The following TAF3 variants were observed in gnomAD, a reference collection of about 807,000 sequenced individuals.
TAF3 encodes TATA-box binding protein associated factor 3.
In TAF3, 7 loss-of-function variants were observed where a neutral mutation model predicts 80.6. The ratio of observed to expected loss-of-function variants is 0.09; its 90% CI spans 0.05 to 0.16. TAF3 has a LOEUF of 0.16. Among genes scored for constraint, TAF3 ranks in the 10% least tolerant of loss-of-function variants. The pLI is 1.00. For missense variants in TAF3, 921 were observed against 1,140.2 expected (o/e 0.81, Z 2.77); for synonymous variants, 444 against 446.1 (o/e 1.00, Z 0.06).
rs774790162 is a variant in TAF3 at position 8,009,315 on chromosome 10, G to T, written c.2553G>T (p.Thr851=). The part of the protein sequence containing the change: ...KAPVRSVVTE[T]VSTYVIRDEW... ...CCGTGCGCAGCGTGGTGACTGAGAC[G>T]GTCAGCACCTACGTGGTGCGTACCT... Residue 851 remains threonine (T), a synonymous_variant, in exon 5 of 7, where the codon ACG becomes ACT. Transcript: ENST00000344293. The surrounding 1 kb of genome is among the most constrained non-coding windows in gnomAD (Gnocchi z 4.1). 1.3e-6 allele frequency: 2 copies of T among 1,591,422 alleles called. No homozygotes were observed. The highest frequency in any genetic ancestry group is 1.7e-6 in the Non-Finnish European group (2 of 1,170,340).
At chr10:7,886,983 C>G (rs549495409) in intron 2 of TAF3, among the ~76,000 whole-genome samples, 1 of 152,148 alleles carries the variant, frequency 6.6e-6, no homozygotes, top group Non-Finnish European at 1.5e-5. Context: ...CACCTGTAAT[C>G]CCAGCACTTT....
chr10:7,837,341 C>CA (rs79016748), intron 2 of TAF3, among the ~76,000 whole-genome samples: 1,078 of 90,010 alleles, frequency 0.012, 17 homozygotes, highest in South Asian at 0.023. Context: ...CCAGTCTGGG[C>CA]AAAAAAAAAA....
intron 3 of TAF3, among the ~76,000 whole-genome samples, chr10:7,975,275 G>A (rs969387321): frequency 6.6e-6 from 1 of 152,134 alleles, no homozygotes; most frequent in Non-Finnish European, 1.5e-5. Context: ...GGTATTTCCT[G>A]TGGAGTTAGA....
chr10:7,972,959 C>A (rs1588572320), intron 3 of TAF3, among the ~76,000 whole-genome samples: 1 of 152,086 alleles, frequency 6.6e-6, no homozygotes, highest in South Asian at 2.1e-4. Context: ...ATCAATATTA[C>A]CAGAAAAAGG....
intron 3 of TAF3, among the ~76,000 whole-genome samples, chr10:7,969,334 T>C (rs747511383): frequency 1.6e-4 from 24 of 152,090 alleles, no homozygotes; most frequent in Admixed American, 8.5e-4. Context: ...TATTATCCAA[T>C]TGCAGTCACA....
intron 3 of TAF3, among the ~76,000 whole-genome samples, chr10:7,972,069 G>A (rs1831628066): frequency 6.6e-6 from 1 of 152,112 alleles, no homozygotes; most frequent in Non-Finnish European, 1.5e-5. Flanking sequence ...CCAAAGTGCT[G>A]TTCTTTTATT....
chr10:7,857,262 G>A (rs1837090387), intron 2 of TAF3, among the ~76,000 whole-genome samples: 1 of 152,204 alleles, frequency 6.6e-6, no homozygotes, highest in South Asian at 2.1e-4. Flanking sequence ...CTTCACAATG[G>A]AACAGCCACA....
chr10:7,948,918 TA>T (rs1287383851), intron 2 of TAF3, among the ~76,000 whole-genome samples: 1 of 152,184 alleles, frequency 6.6e-6, no homozygotes, highest in African/African-American at 2.4e-5. Flanking sequence ...TATACATGCA[TA>T]GTTGGGGAAA....
chr10:7,951,697 G>A (rs906427143), intron 2 of TAF3, among the ~76,000 whole-genome samples: 11 of 152,140 alleles, frequency 7.2e-5, no homozygotes, highest in Non-Finnish European at 8.8e-5. Flanking sequence ...AGTCTGACTC[G>A]TACTTCTCAT....
chr10:7,932,665 C>T, intron 2 of TAF3, among the ~76,000 whole-genome samples: 1 of 139,910 alleles, frequency 7.1e-6, no homozygotes, highest in African/African-American at 2.7e-5. Context: ...TTATGTTCCA[C>T]TTAATTTTTT....
chr10:7,964,153 C>G lies in TAF3; in HGVS notation c.643C>G (p.Pro215Ala). ...TGTTGTGTTATTGGAAGCTCGAGAG[C>G]CACTCAGCTCAATAAATACTCAAAA... ...LDVVLLEARE[P>A]LSSINTQKIP... The change falls in exon 3 of 7, where the codon CCA becomes GCA. Residue 215 changes from proline (P) to alanine (A), a missense_variant. By Grantham distance (27) the Pro-to-Ala change is conservative. This residue lies in a region of TAF3 where 743 missense variants were observed against 821.0 expected (regional missense o/e 0.90). Coordinates refer to ENST00000344293, the MANE Select transcript of TAF3 (RefSeq NM_031923.4). The surrounding 1 kb of genome is among the most constrained non-coding windows in gnomAD (Gnocchi z 4.1). 1 of 1,614,128 alleles carries G rather than the reference C, an allele frequency of 6.2e-7. No individual in the cohort carries two copies. The highest frequency in any genetic ancestry group is 2.2e-5 in the East Asian group (1 of 44,882).
intron 2 of TAF3, among the ~76,000 whole-genome samples, chr10:7,867,958 A>G (rs909299235): frequency 6.6e-6 from 1 of 152,202 alleles, no homozygotes; most frequent in Non-Finnish European, 1.5e-5. Context: ...TAGAGAAAAG[A>G]AAATATTATT....
At position 7,992,036 on chromosome 10, in the gene TAF3, G is replaced by A. The variant is rs144286909; in HGVS notation, c.2315+14713G>A. Among the ~76,000 whole-genome samples the A allele has an allele frequency of 5.5e-3, 835 of 152,274 alleles. 4 individuals are homozygous for A. The highest frequency in any genetic ancestry group is 7.3e-3 in the Non-Finnish European group (495 of 68,004). On this transcript the variant is annotated intron_variant, in intron 4 of 6. Coordinates refer to ENST00000344293, the MANE Select transcript of TAF3 (RefSeq NM_031923.4). ...GGCTAACTTACAAATTCATTTTCAT[G>A]TGAAAGCATCTTTTACTAAATAATT...
intron 2 of TAF3, among the ~76,000 whole-genome samples, chr10:7,923,582 C>CAAAAA (rs139803422): frequency 3.0e-5 from 4 of 135,418 alleles, no homozygotes; most frequent in East Asian, 4.4e-4. Context: ...TGCTGTATAG[C>CAAAAA]AAAAAAACAA....
At position 8,014,840 on chromosome 10, in the gene TAF3, A is replaced by G. The variant is rs948071933; in HGVS notation, c.*89A>G. The G allele has an allele frequency of 1.1e-5, 12 of 1,137,482 alleles. No individual in the cohort carries two copies. In the Admixed American group the frequency reaches 2.9e-4, roughly 28 times the overall value. 70.5% of individuals were successfully genotyped at this position (1,137,482 alleles called of 1,614,324 possible). On this transcript the variant is annotated 3_prime_UTR_variant, in exon 7 of 7. Transcript: ENST00000344293. ...GGAGCTGGTGCAAGTCTGCCGTCAC[A>G]TCCACCCCCAGATGCCTGTGGATAA...
chr10:7,921,125 A>G (rs183903403), intron 2 of TAF3, among the ~76,000 whole-genome samples: 7 of 152,110 alleles, frequency 4.6e-5, no homozygotes, highest in East Asian at 3.9e-4. Flanking sequence ...CTTTACTGCA[A>G]TGCCATATTA....
intron 2 of TAF3, among the ~76,000 whole-genome samples, chr10:7,935,939 TGGA>T (rs1837915365): frequency 6.6e-6 from 1 of 152,236 alleles, no homozygotes; most frequent in Non-Finnish European, 1.5e-5. Context: ...AAGCCCTGCG[TGGA>T]GGAGTAGAGC....
At chr10:7,962,342 G>A (rs1831515596) in intron 2 of TAF3, among the ~76,000 whole-genome samples, 1 of 151,896 alleles carries the variant, frequency 6.6e-6, no homozygotes, top group Admixed American at 6.6e-5. Flanking sequence ...CTCTCCTTCA[G>A]TACCCATCAC....
intron 4 of TAF3, among the ~76,000 whole-genome samples, chr10:7,979,869 C>T (rs1831709824): frequency 6.6e-6 from 1 of 152,048 alleles, no homozygotes; most frequent in Non-Finnish European, 1.5e-5. Flanking sequence ...AATTATGGGC[C>T]AAATCCAGGC....
Sources: gnomAD v4.1 joint callset for allele counts (sites outside exome capture counted in the v4.1 genomes callset) on GRCh38, gnomAD v4.1.1 for gene constraint, gnomAD v4.1.1 regional missense constraint, Gnocchi (gnomAD v3.1) non-coding constraint, MANE v1.5 for transcripts, NCBI Gene and HGNC (gene_info 2026-07-23, HGNC 2026-07-21) for gene names.